FAM210A: variants seen among roughly 807,000 people sequenced by gnomAD.
FAM210A encodes the protein mitochondrial inner membrane scaffold 1.
A neutral mutation model predicts 25.3 loss-of-function variants in FAM210A; 13 were observed. That is an observed-to-expected ratio of 0.51 (90% CI 0.33 to 0.82). FAM210A has a LOEUF of 0.82. FAM210A is among the 40% of genes least tolerant of loss of function. The pLI, the probability that FAM210A is intolerant of heterozygous loss-of-function variation, is 0.02. For synonymous variants in FAM210A, 125 were observed against 118.7 expected (o/e 1.05, Z -0.35); for missense variants, 319 against 323.2 (o/e 0.99, Z 0.10).
chr18:13,678,285 T>C (rs567117903), intron 2 of FAM210A, among the ~76,000 whole-genome samples: 2 of 147,156 alleles, frequency 1.4e-5, no homozygotes. Flanking sequence ...GTTCCAATAT[T>C]TTTTTTTTTT....
chr18:13,710,212 C>T (rs1222938429), intron 1 of FAM210A: 1 of 151,866 alleles, frequency 6.6e-6, no homozygotes, highest in Non-Finnish European at 1.5e-5. Context: ...GAAACAAGGT[C>T]TCACTCTGTT....
At chr18:13,671,832 G>T in intron 3 of FAM210A, 30 bp downstream of exon 3, 1 of 1,434,770 alleles carries the variant, frequency 7.0e-7, no homozygotes, top group Non-Finnish European at 9.8e-7. Context: ...AGTGAGTTCT[G>T]AGGAGCAATG....
In FAM210A at chr18:13,666,746, A is replaced by G. The variant is rs774621194; in HGVS notation, c.586-33T>C. 7 of 1,575,632 alleles carry G rather than the reference A, an allele frequency of 4.4e-6. No individual in the cohort carries two copies. In the Admixed American group the frequency reaches 1.3e-4, roughly 28 times the overall value. On this transcript the variant is annotated intron_variant, in intron 3 of 3. Coordinates refer to ENST00000651643, the MANE Select transcript of FAM210A (RefSeq NM_152352.4). ...AAAAAGCAAACAGAGGCAAATCAAA[A>G]CCTGGTTATTACTGTCATCTTAAGC...
intron 1 of FAM210A, among the ~76,000 whole-genome samples, chr18:13,695,433 T>A (rs57379522): frequency 0.014 from 2,167 of 152,320 alleles, 50 homozygotes; most frequent in African/African-American, 0.049. Context: ...ATTGTGGCGC[T>A]ATTCACAATA....
rs1159255475 is a variant in FAM210A, at chr18:13,666,043, A to G, written c.*437T>C. Reference sequence around the variant, plus strand: ...GTTTTGATGATGCTAGTTTGTCTCCAAATTACGTACTGAATATAGTTAAAA... The same window carrying G: ...GTTTTGATGATGCTAGTTTGTCTCCGAATTACGTACTGAATATAGTTAAAA... On this transcript the variant is annotated 3_prime_UTR_variant, in exon 4 of 4. Transcript: ENST00000651643. The G allele has an allele frequency of 1.2e-5, 2 of 160,576 alleles. No homozygotes were observed. The highest frequency in any genetic ancestry group is 1.2e-4 in the Admixed American group (2 of 17,108). 9.9% of individuals were successfully genotyped at this position (160,576 alleles called of 1,614,324 possible).
At chr18:13,701,983 A>C (rs2043744339) in intron 1 of FAM210A, among the ~76,000 whole-genome samples, 1 of 152,218 alleles carries the variant, frequency 6.6e-6, no homozygotes, top group African/African-American at 2.4e-5. Flanking sequence ...CCAGTTCGAT[A>C]ATTTGGCGCC....
At chr18:13,672,804 A>G (rs1202838890) in intron 2 of FAM210A, among the ~76,000 whole-genome samples, 1 of 152,254 alleles carries the variant, frequency 6.6e-6, no homozygotes, top group Non-Finnish European at 1.5e-5. Flanking sequence ...AAACGACACT[A>G]TGGGTTTGAT....
At chr18:13,706,311 T>G (rs2043777475) in intron 1 of FAM210A, among the ~76,000 whole-genome samples, 1 of 149,164 alleles carries the variant, frequency 6.7e-6, no homozygotes, top group African/African-American at 2.5e-5. Context: ...CTTTAAATAC[T>G]TTTCCCTTGT....
intron 1 of FAM210A, 29 bp from the exon 2 acceptor site, chr18:13,682,134 G>A (rs2043560773): frequency 7.1e-7 from 1 of 1,414,550 alleles, no homozygotes; most frequent in Non-Finnish European, 9.6e-7. Context: ...AAAAAAATTA[G>A]GTAATACTTA....
intron 1 of FAM210A, among the ~76,000 whole-genome samples, chr18:13,708,513 C>G (rs148536027): frequency 6.8e-4 from 104 of 152,296 alleles, no homozygotes; most frequent in African/African-American, 2.3e-3. Context: ...AAGCCCTACC[C>G]TAAGTTAGCT....
intron 2 of FAM210A, among the ~76,000 whole-genome samples, chr18:13,674,155 C>T (rs2043471197): frequency 6.6e-6 from 1 of 150,440 alleles, no homozygotes; most frequent in African/African-American, 2.4e-5. Context: ...TTTCCAGTTT[C>T]CTGATTATTA....
At position 13,675,454 on chromosome 18, in the gene FAM210A, T is replaced by A. The variant is rs1260873265; in HGVS notation, c.474-3481A>T. 1.8e-3 allele frequency among the ~76,000 whole-genome samples: 66 copies of A among 36,576 alleles called. 4 individuals carry two copies. The highest frequency in any genetic ancestry group is 2.5e-3 in the Non-Finnish European group (44 of 17,848). 24.0% of individuals were successfully genotyped at this position (36,576 alleles called of 152,430 possible). A position where few individuals can be genotyped will look rare whatever the true frequency, so the allele number is the denominator to read the frequency against. On this transcript the variant is annotated intron_variant, in intron 2 of 3. Transcript: ENST00000651643. ...AGCCCTGGCTTCTTTATTTCCAGTT[T>A]CCTGATTATTAACATTCCTGAGCCC...
At chr18:13,675,708 T>C (rs1167354489) in intron 2 of FAM210A, among the ~76,000 whole-genome samples, 38 of 34,112 alleles carry the variant, frequency 1.1e-3, no homozygotes, top group Non-Finnish European at 1.3e-3. Flanking sequence ...GAGCCCCGAC[T>C]TCATTTCCAG....
intron 3 of FAM210A, among the ~76,000 whole-genome samples, chr18:13,666,926 C>A (rs533576071): frequency 6.6e-6 from 1 of 152,206 alleles, no homozygotes; most frequent in Non-Finnish European, 1.5e-5. Context: ...TTGTCCTCTA[C>A]ACAATCCTGA....
intron 1 of FAM210A, among the ~76,000 whole-genome samples, chr18:13,706,764 T>C (rs1358004460): frequency 6.6e-6 from 1 of 152,236 alleles, no homozygotes; most frequent in Non-Finnish European, 1.5e-5. Flanking sequence ...CAGAATTGGC[T>C]AAACAGAAAA....
chr18:13,672,694 C>G (rs1173838277), intron 2 of FAM210A, among the ~76,000 whole-genome samples: 1 of 152,194 alleles, frequency 6.6e-6, no homozygotes, highest in African/African-American at 2.4e-5. Context: ...AGGCATGAGC[C>G]ACAGTGCCCA....
At chr18:13,695,042 A>G (rs2043680357) in intron 1 of FAM210A, among the ~76,000 whole-genome samples, 1 of 152,230 alleles carries the variant, frequency 6.6e-6, no homozygotes, top group Non-Finnish European at 1.5e-5. Flanking sequence ...CCCCATCAAA[A>G]AGTGGGCAAA....
At chr18:13,702,252 T>C (rs1396112660) in intron 1 of FAM210A, among the ~76,000 whole-genome samples, 1 of 152,230 alleles carries the variant, frequency 6.6e-6, no homozygotes, top group Non-Finnish European at 1.5e-5. Context: ...TAAAAATCAC[T>C]ATCTCTTGTA....
intron 1 of FAM210A, among the ~76,000 whole-genome samples, chr18:13,708,320 C>T (rs1451814591): frequency 1.3e-5 from 2 of 152,194 alleles, no homozygotes; most frequent in African/African-American, 2.4e-5. Flanking sequence ...TCTGGGTGTG[C>T]CACCCTTTCG....
Sources: gnomAD v4.1 joint callset for allele counts (sites outside exome capture counted in the v4.1 genomes callset) on GRCh38, gnomAD v4.1.1 for gene constraint, MANE v1.5 for transcripts, NCBI Gene and HGNC (gene_info 2026-07-23, HGNC 2026-07-21) for gene names.